The following ABCA4 variants were observed in gnomAD, a reference collection of about 807,000 sequenced individuals.
The protein encoded by ABCA4 is ATP binding cassette subfamily A member 4, also known as retinal-specific phospholipid-transporting ATPase ABCA4.
ABCA4 carries 196 observed loss-of-function variants against 263.7 expected under a neutral mutation model. That is an observed-to-expected ratio of 0.74 (90% CI 0.66 to 0.84). The LOEUF is 0.84. Ranked by LOEUF, ABCA4 falls within the 40% of genes least tolerant of loss-of-function variation. The probability of loss-of-function intolerance (pLI) is 0.00; values close to 1 mark genes in which losing one functional copy is unlikely to be tolerated. For synonymous variants in ABCA4, 1,133 were observed against 1,094.2 expected (o/e 1.04, Z -0.70); for missense variants, 2,792 against 2,855.1 (o/e 0.98, Z 0.50).
At chr1:94,091,579 T>TCA (rs35529737) in intron 6 of ABCA4, among the ~76,000 whole-genome samples, 1,937 of 143,760 alleles carry the variant, frequency 0.013, 39 homozygotes, top group African/African-American at 0.04. Context: ...AAACATCATC[T>TCA]CACACACACA....
At chr1:94,024,206 G>A (rs949083292) in intron 31 of ABCA4, among the ~76,000 whole-genome samples, 1 of 152,122 alleles carries the variant, frequency 6.6e-6, no homozygotes, top group Non-Finnish European at 1.5e-5. Flanking sequence ...TTAGACAGGA[G>A]GTTTTATCTT....
chr1:94,093,708 GAA>G (rs1173610647), intron 6 of ABCA4, among the ~76,000 whole-genome samples: 4 of 152,206 alleles, frequency 2.6e-5, no homozygotes, highest in African/African-American at 9.7e-5. Context: ...GCCTGGAGCT[GAA>G]AAGACATCAA....
rs113789195 is a variant in ABCA4 at position 94,063,203 on chromosome 1, A to G, written c.1669T>C (p.Tyr557His). The change falls in exon 12 of 50, where the codon TAT becomes CAT. Residue 557 changes from tyrosine to histidine, a missense_variant. By Grantham distance (83) the Tyr-to-His change is moderately conservative. Transcript: ENST00000370225. The part of the protein sequence containing the change: ...FWAGVVFPDM[Y>H]PWTSSLPPHV... ...GGTGGTAGAGAGCTGGTCCAGGGAT[A>G]CATGTCAGGGAATACCACTCCGGCC... is the stretch of plus-strand genomic sequence containing the variant. The G allele has an allele frequency of 6.2e-7, 1 of 1,614,160 alleles. No homozygotes were observed.
intron 21 of ABCA4, 127 bp downstream of exon 21, chr1:94,043,209 G>T: frequency 2.9e-6 from 4 of 1,357,654 alleles, no homozygotes; most frequent in Non-Finnish European, 4.0e-6. Context: ...TAGATTTTTG[G>T]TGTAACTTCA....
chr1:94,108,706 C>T lies in ABCA4; in HGVS notation c.313G>A (p.Val105Ile). 2 of 1,613,922 alleles carry T rather than the reference C, an allele frequency of 1.2e-6. No individual in the cohort carries two copies. Among genetic ancestry groups the T allele is most frequent in the East Asian group, 2.2e-5 (1 of 44,874 alleles). The change falls in exon 4 of 50, where the codon GTA (valine) becomes ATA (isoleucine). Residue 105 changes from valine to isoleucine, a missense_variant. Val to Ile is a conservative substitution (Grantham distance 29). Coordinates refer to ENST00000370225, the MANE Select transcript of ABCA4 (RefSeq NM_000350.3). ...AGGAGTTCTTGAAAATCTCGATATA[C>T]CCTTGCCAAGCTGTAAGGACAAAGC... ...SNYNNSILARVYRDFQELLMN... is the reference protein window; with the variant it reads ...SNYNNSILARIYRDFQELLMN...
In ABCA4 at chr1:94,056,587, C is replaced by A. The variant is rs1412323682; in HGVS notation, c.2382+14G>T. Reference sequence around the variant, plus strand: ...AAACGTGTTGTAGGACAGGGGCCAGCCCAAGGGCCTCACCACAGCCTTCTT... The same window carrying A: ...AAACGTGTTGTAGGACAGGGGCCAGACCAAGGGCCTCACCACAGCCTTCTT... On this transcript the variant is annotated intron_variant, in intron 15 of 49. Coordinates refer to ENST00000370225, the MANE Select transcript of ABCA4 (RefSeq NM_000350.3). 5.0e-6 allele frequency: 8 copies of A among 1,611,242 alleles called. No individual in the cohort carries two copies. The highest frequency in any genetic ancestry group is 4.4e-5 in the South Asian group (4 of 90,740).
chr1:94,108,465 C>T, intron 4 of ABCA4, 112 bp downstream of exon 4: 3 of 1,508,724 alleles, frequency 2.0e-6, no homozygotes, highest in Non-Finnish European at 1.8e-6. Context: ...GACCCCATCC[C>T]TTCCTGCCTC....
At chr1:94,044,795 C>G (rs747791969) in intron 19 of ABCA4, 51 bp from the exon 20 acceptor site, 1 of 1,613,838 alleles carries the variant, frequency 6.2e-7, no homozygotes, top group Non-Finnish European at 8.5e-7. Context: ...AGCAACATGC[C>G]TTAGGAGGGC....
At chr1:94,082,881 C>A (rs974216248) in intron 7 of ABCA4, among the ~76,000 whole-genome samples, 5 of 152,150 alleles carry the variant, frequency 3.3e-5, no homozygotes, top group Admixed American at 3.3e-4. Flanking sequence ...CATCTTTTTA[C>A]AAAACAACAC....
intron 16 of ABCA4, 109 bp downstream of exon 16, chr1:94,055,002 C>T (rs1301551602): frequency 5.2e-6 from 6 of 1,147,462 alleles, no homozygotes; most frequent in South Asian, 4.0e-5. Context: ...ACTTCAAATG[C>T]TGGTTCTGAC....
rs573604314 is a variant in ABCA4 at position 94,012,276 on chromosome 1, G to A, written c.5461-891C>T. Among the ~76,000 whole-genome samples, 3 of 152,302 alleles carry A rather than the reference G, an allele frequency of 2.0e-5. No homozygotes were observed. The South Asian group carries it at 6.2e-4, about 32-fold the overall frequency. Reference sequence around the variant, plus strand: ...TGTGCTCTTTGGCCTCTAGGCCTGGGCATGTGCAGGCTGTTACCTATTGCT... The same window carrying A: ...TGTGCTCTTTGGCCTCTAGGCCTGGACATGTGCAGGCTGTTACCTATTGCT... On this transcript the variant is annotated intron_variant, in intron 38 of 49. Transcript: ENST00000370225.
intron 11 of ABCA4, among the ~76,000 whole-genome samples, chr1:94,066,088 A>G (rs1661260661): frequency 1.3e-5 from 2 of 152,328 alleles, no homozygotes; most frequent in South Asian, 4.1e-4. Flanking sequence ...GAAATAATGC[A>G]AGGTTTGCTA....
intron 40 of ABCA4, among the ~76,000 whole-genome samples, chr1:94,010,323 C>T (rs1659510498): frequency 6.7e-6 from 1 of 150,094 alleles, no homozygotes; most frequent in Admixed American, 6.6e-5. Flanking sequence ...GGCAGCTACC[C>T]ACCTTCCTCC....
intron 14 of ABCA4, among the ~76,000 whole-genome samples, 168 bp downstream of exon 14, chr1:94,060,369 G>T (rs976394054): frequency 6.6e-6 from 1 of 152,184 alleles, no homozygotes; most frequent in African/African-American, 2.4e-5. Flanking sequence ...TCCTTCAGGA[G>T]ATTTCGTCTC....
intron 6 of ABCA4, among the ~76,000 whole-genome samples, chr1:94,093,124 T>G (rs376955645): frequency 2.0e-5 from 3 of 152,120 alleles, no homozygotes; most frequent in East Asian, 3.8e-4. Flanking sequence ...GATCCTGTGC[T>G]CAGGGGCAGG....
chr1:93,997,840 G>C, intron 48 of ABCA4, 21 bp downstream of exon 48: 1 of 1,613,730 alleles, frequency 6.2e-7, no homozygotes, highest in Non-Finnish European at 8.5e-7. Context: ...CTCAGCTCTC[G>C]GTGCCCCAGG....
At chr1:94,081,973 A>T (rs1661714747) in intron 7 of ABCA4, among the ~76,000 whole-genome samples, 1 of 152,222 alleles carries the variant, frequency 6.6e-6, no homozygotes, top group African/African-American at 2.4e-5. Flanking sequence ...TAAAACCATT[A>T]GGATTCAATC....
chr1:94,044,849 C>G, intron 19 of ABCA4, 105 bp from the exon 20 acceptor site: 1 of 1,569,476 alleles, frequency 6.4e-7, no homozygotes, highest in Non-Finnish European at 8.7e-7. Flanking sequence ...AGATTCCTGC[C>G]TGGGGCTGTC....
At chr1:94,042,174 G>GAA (rs1418172705) in intron 22 of ABCA4, among the ~76,000 whole-genome samples, 5 of 151,498 alleles carry the variant, frequency 3.3e-5, no homozygotes, top group Non-Finnish European at 7.4e-5. Context: ...AACCCTCAGA[G>GAA]AAAGGCACGG....
Sources: allele counts gnomAD v4.1 joint callset (sites outside exome capture counted in the v4.1 genomes callset), GRCh38; gene constraint gnomAD v4.1.1; transcripts MANE v1.5; gene names NCBI Gene and HGNC (gene_info 2026-07-23, HGNC 2026-07-21).